Variants in PARD3B observed in about 807,000 individuals in gnomAD.
PARD3B encodes the protein par-3 family cell polarity regulator beta.
In PARD3B, 103 loss-of-function variants were observed where a neutral mutation model predicts 130.2. The observed-to-expected ratio is 0.79, with a 90% CI of 0.67 to 0.93. The LOEUF (loss-of-function observed/expected upper bound fraction) is 0.93. Ranked by LOEUF, PARD3B falls within the 40% of genes least tolerant of loss-of-function variation. The pLI is 0.00. For missense variants in PARD3B, 1,609 were observed against 1,499.2 expected (o/e 1.07, Z -1.21); for synonymous variants, 583 against 553.2 (o/e 1.05, Z -0.76).
chr2:204,688,168 A>G (rs937219181), intron 2 of PARD3B, among the ~76,000 whole-genome samples: 3 of 152,174 alleles, frequency 2.0e-5, no homozygotes, highest in African/African-American at 4.8e-5. Flanking sequence ...GGCTTTAACA[A>G]TTCTGTTAAT....
intron 2 of PARD3B, among the ~76,000 whole-genome samples, chr2:204,806,310 G>A (rs2042766922): frequency 6.6e-6 from 1 of 152,094 alleles, no homozygotes; most frequent in Non-Finnish European, 1.5e-5. Flanking sequence ...CAATGGAACA[G>A]AATAGGGAAC....
intron 11 of PARD3B, among the ~76,000 whole-genome samples, chr2:205,165,588 C>T (rs1051890356): frequency 5.9e-5 from 9 of 151,638 alleles, no homozygotes; most frequent in East Asian, 1.9e-4. Flanking sequence ...CATGATGGTA[C>T]GCACCTGTAA....
chr2:204,590,568 G>A (rs1432959039), intron 1 of PARD3B, among the ~76,000 whole-genome samples: 1 of 152,188 alleles, frequency 6.6e-6, no homozygotes, highest in Non-Finnish European at 1.5e-5. Context: ...TAATGGCTGG[G>A]ATGGGGAGAA....
chr2:204,955,756 T>C (rs1690184493), intron 2 of PARD3B, among the ~76,000 whole-genome samples: 1 of 152,216 alleles, frequency 6.6e-6, no homozygotes, highest in Admixed American at 6.5e-5. Context: ...AAGGGCTATA[T>C]AAGTATTTGA....
intron 1 of PARD3B, among the ~76,000 whole-genome samples, chr2:204,631,610 A>G (rs1486079679): frequency 6.6e-6 from 1 of 152,214 alleles, no homozygotes; most frequent in Non-Finnish European, 1.5e-5. Context: ...TAGCCCATTT[A>G]CATTTAAGGT....
intron 2 of PARD3B, among the ~76,000 whole-genome samples, chr2:204,699,634 T>A (rs2125273263): frequency 6.6e-6 from 1 of 152,200 alleles, no homozygotes; most frequent in Middle Eastern, 3.4e-3. Context: ...ATTTAAAAAG[T>A]GCTGTAATGA....
At chr2:205,365,728 G>C (rs192134869) in intron 18 of PARD3B, among the ~76,000 whole-genome samples, 1 of 152,180 alleles carries the variant, frequency 6.6e-6, no homozygotes, top group African/African-American at 2.4e-5. Flanking sequence ...TGGAAGGAAA[G>C]GCATTCCAAG....
chr2:205,038,245 C>T (rs1698152626), intron 3 of PARD3B, among the ~76,000 whole-genome samples: 1 of 152,144 alleles, frequency 6.6e-6, no homozygotes, highest in Non-Finnish European at 1.5e-5. Context: ...CAAAATCCTT[C>T]CTTTCATCTC....
In PARD3B at chr2:205,116,942, C is replaced by T. The variant is rs910521830; in HGVS notation, c.681-1979C>T. Among the ~76,000 whole-genome samples, 1 of 151,860 alleles carries T rather than the reference C, an allele frequency of 6.6e-6. No homozygotes were observed. The highest frequency in any genetic ancestry group is 1.5e-5 in the Non-Finnish European group (1 of 67,974). ...GCCAGCTAAATTGCAACCCAGTGGC[C>T]CGAAAGAATTAATTCATCTCCCAAA... On this transcript the variant is annotated intron_variant, in intron 6 of 22. Coordinates refer to ENST00000406610, the MANE Select transcript of PARD3B (RefSeq NM_001302769.2). This position sits in a 1 kb window ranked among gnomAD's most constrained non-coding sequence, Gnocchi z 4.5.
At chr2:205,298,096 C>T (rs546557462) in intron 16 of PARD3B, among the ~76,000 whole-genome samples, 48 of 152,286 alleles carry the variant, frequency 3.2e-4, no homozygotes, top group African/African-American at 1.1e-3. Context: ...TATTGCTAAA[C>T]GTTGACGTGA....
intron 2 of PARD3B, among the ~76,000 whole-genome samples, chr2:204,806,646 G>T (rs1454407941): frequency 6.6e-6 from 1 of 151,998 alleles, no homozygotes; most frequent in Non-Finnish European, 1.5e-5. Flanking sequence ...TAGACAAATG[G>T]ATTACATCAA....
At chr2:204,994,304 A>G (rs1248656440) in intron 3 of PARD3B, among the ~76,000 whole-genome samples, 2 of 105,232 alleles carry the variant, frequency 1.9e-5, no homozygotes, top group East Asian at 2.5e-4. Flanking sequence ...GGTTTCAAAG[A>G]ACATCTTTAT....
At chr2:204,708,296 C>A (rs2038277086) in intron 2 of PARD3B, among the ~76,000 whole-genome samples, 5 of 152,010 alleles carry the variant, frequency 3.3e-5, no homozygotes, top group Admixed American at 3.3e-4. Context: ...TTGTGCCCAG[C>A]TGGAGACATA....
intron 2 of PARD3B, among the ~76,000 whole-genome samples, chr2:204,711,800 G>A (rs528716488): frequency 2.2e-4 from 33 of 152,060 alleles, no homozygotes; most frequent in African/African-American, 7.5e-4. Context: ...TACCCACCTC[G>A]GCCTCCCAAA....
chr2:205,088,316 TTAAGA>T (rs1302454417), intron 4 of PARD3B, among the ~76,000 whole-genome samples: 3 of 152,134 alleles, frequency 2.0e-5, no homozygotes, highest in African/African-American at 7.2e-5. Context: ...AGGAAATAAA[TTAAGA>T]TAAGACTAGA....
intron 2 of PARD3B, among the ~76,000 whole-genome samples, chr2:204,721,913 A>T (rs994524306): frequency 6.6e-6 from 1 of 152,110 alleles, no homozygotes; most frequent in Non-Finnish European, 1.5e-5. Flanking sequence ...TCTCCAGTTT[A>T]TTAAGAACTA....
chr2:204,935,819 A>T (rs1423247012), intron 2 of PARD3B, among the ~76,000 whole-genome samples: 3 of 152,140 alleles, frequency 2.0e-5, no homozygotes, highest in Non-Finnish European at 4.4e-5. Flanking sequence ...CAGTATTTTA[A>T]ATAAGAGCAT....
At position 205,150,420 on chromosome 2, in the gene PARD3B, A is replaced by G. The variant is rs536821383; in HGVS notation, c.1435-8302A>G. Among the ~76,000 whole-genome samples the G allele has an allele frequency of 8.5e-5, 13 of 152,148 alleles. No individual in the cohort carries two copies. In the South Asian group the frequency reaches 2.7e-3, roughly 32 times the overall value. On this transcript the variant is annotated intron_variant, in intron 10 of 22. Coordinates refer to ENST00000406610, the MANE Select transcript of PARD3B (RefSeq NM_001302769.2). ...ATACCCATTTCCATTTTGCTACAAA[A>G]TGCTGTCTGGCAAGATTTGAGTTTA...
intron 2 of PARD3B, among the ~76,000 whole-genome samples, chr2:204,686,527 T>G (rs766093726): frequency 2.0e-5 from 3 of 152,202 alleles, no homozygotes; most frequent in African/African-American, 4.8e-5. Context: ...GTTTCTGATA[T>G]GTCTTAATAA....
Sources: allele counts gnomAD v4.1 joint callset (sites outside exome capture counted in the v4.1 genomes callset), GRCh38; gene constraint gnomAD v4.1.1; non-coding constraint Gnocchi (gnomAD v3.1); transcripts MANE v1.5; gene names NCBI Gene and HGNC (gene_info 2026-07-23, HGNC 2026-07-21).